ZDHHC14: variants seen among roughly 807,000 people sequenced by gnomAD.
ZDHHC14 encodes zDHHC palmitoyltransferase 14, also known as palmitoyltransferase ZDHHC14.
A neutral mutation model predicts 47.7 loss-of-function variants in ZDHHC14; 16 were observed. The ratio of observed to expected loss-of-function variants is 0.34; its 90% CI spans 0.23 to 0.51. ZDHHC14 has a LOEUF of 0.51. ZDHHC14 is among the 20% of genes least tolerant of loss of function. The pLI is 0.97. For missense variants in ZDHHC14, 515 were observed against 662.5 expected, an observed-to-expected ratio of 0.78 and a Z score of 2.44; for synonymous variants, 293 against 278.9, an observed-to-expected ratio of 1.05 and a Z score of -0.50.
chr6:157,410,566 G>A (rs903790477), intron 1 of ZDHHC14, among the ~76,000 whole-genome samples: 1 of 152,224 alleles, frequency 6.6e-6, no homozygotes, highest in African/African-American at 2.4e-5. Flanking sequence ...AAAAGCTAGT[G>A]CAGTTTAATG....
chr6:157,590,348 G>T (rs1783861014), intron 2 of ZDHHC14, among the ~76,000 whole-genome samples: 1 of 152,154 alleles, frequency 6.6e-6, no homozygotes, highest in African/African-American at 2.4e-5. Flanking sequence ...AGGTCTAGGA[G>T]GAAAAAATGG....
In ZDHHC14 at chr6:157,592,849, C is replaced by A. The variant is rs184693650; in HGVS notation, c.407-139C>A. The stretch of plus-strand genomic sequence containing the variant: ...CGGAGGGTGAGTCCCAGAGCCCCAG[C>A]CTGGGTAAACCGTGGGCACCGGGGG... On this transcript the variant is annotated intron_variant, in intron 2 of 8. Transcript: ENST00000359775. 60 of 1,474,850 alleles carry A rather than the reference C, an allele frequency of 4.1e-5. No homozygotes were observed. In the South Asian group the frequency reaches 8.5e-4, roughly 21 times the overall value. 91.4% of individuals were successfully genotyped at this position (1,474,850 alleles called of 1,614,324 possible).
intron 5 of ZDHHC14, among the ~76,000 whole-genome samples, chr6:157,640,570 C>G (rs747516106): frequency 6.6e-6 from 1 of 152,182 alleles, no homozygotes; most frequent in Non-Finnish European, 1.5e-5. Flanking sequence ...TAGGCTGCTT[C>G]CAGCTGCAGC....
chr6:157,592,901 C>G (rs1783971476), intron 2 of ZDHHC14, 87 bp from the exon 3 acceptor site: 1 of 1,511,166 alleles, frequency 6.6e-7, no homozygotes, highest in East Asian at 2.4e-5. Context: ...GCCTGCTGCC[C>G]TGGAGCTTAC....
intron 1 of ZDHHC14, among the ~76,000 whole-genome samples, chr6:157,439,584 T>G (rs535438577): frequency 6.6e-5 from 10 of 152,200 alleles, no homozygotes; most frequent in Non-Finnish European, 1.5e-4. Flanking sequence ...GTTCCAACAT[T>G]GTGGAAGACA....
intron 3 of ZDHHC14, among the ~76,000 whole-genome samples, chr6:157,599,286 C>T (rs926117414): frequency 2.0e-5 from 3 of 152,240 alleles, no homozygotes; most frequent in Non-Finnish European, 2.9e-5. Context: ...CAGCCCCGCA[C>T]GGCCAGTTGC....
intron 1 of ZDHHC14, among the ~76,000 whole-genome samples, chr6:157,424,343 A>G (rs879479370): frequency 3.3e-5 from 5 of 152,240 alleles, no homozygotes; most frequent in Non-Finnish European, 7.3e-5. Context: ...GAGTGAAGGC[A>G]GTATGGAGAT....
At chr6:157,425,979 C>T (rs1175086675) in intron 1 of ZDHHC14, among the ~76,000 whole-genome samples, 1 of 152,192 alleles carries the variant, frequency 6.6e-6, no homozygotes, top group East Asian at 1.9e-4. Flanking sequence ...CACTTCCTCA[C>T]AGAAGTCTCC....
chr6:157,503,976 T>C (rs1030997252), intron 1 of ZDHHC14, among the ~76,000 whole-genome samples: 1 of 152,192 alleles, frequency 6.6e-6, no homozygotes, highest in Non-Finnish European at 1.5e-5. Context: ...TTTGTAAGTA[T>C]ATATACTAGA....
intron 1 of ZDHHC14, among the ~76,000 whole-genome samples, chr6:157,414,640 G>T (rs1777938468): frequency 6.6e-6 from 1 of 152,120 alleles, no homozygotes; most frequent in South Asian, 2.1e-4. Flanking sequence ...ACATGTGCAG[G>T]GTCATTTGTC....
chr6:157,564,206 G>A (rs978885688), intron 2 of ZDHHC14, among the ~76,000 whole-genome samples: 4 of 152,190 alleles, frequency 2.6e-5, no homozygotes, highest in Admixed American at 6.5e-5. Flanking sequence ...CACAGCTGGT[G>A]CCTGCTCACT....
rs555454786 is a variant in ZDHHC14 at position 157,427,712 on chromosome 6, A to T, written c.245+45446A>T. On this transcript the variant is annotated intron_variant, in intron 1 of 8. Transcript: ENST00000359775. The surrounding 1 kb of genome is among the most constrained non-coding windows in gnomAD (Gnocchi z 4.4). ...TGGATTTTCTTTTCAGAAATGGCAG[A>T]TGCGCTAGGGCTGTTCCTCCTGGAG... Among the ~76,000 whole-genome samples the T allele has an allele frequency of 1.9e-4, 29 of 152,246 alleles. 1 individual carries two copies. Among genetic ancestry groups the T allele is most frequent in the Admixed American group, 1.4e-3 (22 of 15,300 alleles).
Position 157,542,626 on chromosome 6 carries a change from C to G in ZDHHC14, c.287C>G (p.Ala96Gly). 6.2e-7 allele frequency: 1 copy of G among 1,614,196 alleles called. No homozygotes were observed. The highest frequency in any genetic ancestry group is 8.5e-7 in the Non-Finnish European group (1 of 1,180,036). The change falls in exon 2 of 9, where the codon GCA becomes GGA. Residue 96 changes from alanine (A) to glycine (G), a missense_variant. Ala to Gly is a moderately conservative substitution (Grantham distance 60). Around this residue, in one of 4 missense-constraint regions of ZDHHC14, gnomAD observed 229 missense variants for 351.5 expected, o/e 0.65. Coordinates refer to ENST00000359775, the MANE Select transcript of ZDHHC14 (RefSeq NM_024630.3). ...GTGAAAATCACCCCTGCCATCCCTG[C>G]AGTCGCTGGCATCCTGTTCTTCTTT... ...LAVKITPAIPAVAGILFFFVM... is the reference protein window; with the variant it reads ...LAVKITPAIPGVAGILFFFVM...
At chr6:157,585,431 C>T (rs1393169602) in intron 2 of ZDHHC14, among the ~76,000 whole-genome samples, 1 of 143,094 alleles carries the variant, frequency 7.0e-6, no homozygotes, top group African/African-American at 2.5e-5. Context: ...AAAAAAAAAA[C>T]CCAAAACCAG....
At chr6:157,640,678 C>T (rs1377720367) in intron 5 of ZDHHC14, among the ~76,000 whole-genome samples, 2 of 152,184 alleles carry the variant, frequency 1.3e-5, no homozygotes, top group Non-Finnish European at 2.9e-5. Context: ...TGAGATACTT[C>T]CTGCTACCCC....
Position 157,673,479 on chromosome 6 carries a change from T to C in ZDHHC14, c.*357T>C, listed in dbSNP as rs2281657. The stretch of plus-strand genomic sequence containing the variant: ...TGTGGCCAGACTGCAATTGCACTTA[T>C]GTGTTATGCTACTAATATTTGAAAC... On this transcript the variant is annotated 3_prime_UTR_variant, in exon 9 of 9. Transcript: ENST00000359775. This position sits in a 1 kb window ranked among gnomAD's most constrained non-coding sequence, Gnocchi z 5.4. 6,208 of 275,508 alleles carry C rather than the reference T, an allele frequency of 0.023. 166 individuals are homozygous for C. Among genetic ancestry groups the C allele is most frequent in the East Asian group, 0.099 (1,297 of 13,142 alleles). The allele number at this position is 275,508 out of a possible 1,614,324, so 17.1% of individuals were successfully genotyped here. A position where few individuals can be genotyped will look rare whatever the true frequency, so the allele number is the denominator to read the frequency against.
At chr6:157,391,356 T>C (rs563869907) in intron 1 of ZDHHC14, among the ~76,000 whole-genome samples, 4 of 152,290 alleles carry the variant, frequency 2.6e-5, no homozygotes, top group African/African-American at 9.6e-5. Context: ...GCTACTGCAG[T>C]GGTCCGAGTG....
intron 1 of ZDHHC14, among the ~76,000 whole-genome samples, chr6:157,471,816 C>T (rs188292102): frequency 1.3e-5 from 2 of 152,186 alleles, no homozygotes; most frequent in African/African-American, 2.4e-5. Flanking sequence ...TTCATTCCCT[C>T]CTCTATGAAG....
intron 5 of ZDHHC14, among the ~76,000 whole-genome samples, chr6:157,642,066 A>T (rs143022605): frequency 0.012 from 1,745 of 147,746 alleles, 1 homozygote; most frequent in East Asian, 0.034. Flanking sequence ...AGATAGATAG[A>T]TAGTTATCAT....
Sources: allele counts gnomAD v4.1 joint callset (sites outside exome capture counted in the v4.1 genomes callset), GRCh38; gene constraint gnomAD v4.1.1; regional missense constraint gnomAD v4.1.1; non-coding constraint Gnocchi (gnomAD v3.1); transcripts MANE v1.5; gene names NCBI Gene and HGNC (gene_info 2026-07-23, HGNC 2026-07-21).